Variants in TMEM67 observed in about 807,000 individuals in gnomAD.
The protein encoded by TMEM67 is meckelin.
In TMEM67, 124 loss-of-function variants were observed where a neutral mutation model predicts 136.6. The observed-to-expected ratio is 0.91, with a 90% CI of 0.78 to 1.05. The LOEUF is 1.05. Ranked by LOEUF, TMEM67 falls within the 50% of genes least tolerant of loss-of-function variation. TMEM67 has a pLI of 0.00. For synonymous variants in TMEM67, 364 were observed against 390.5 expected (o/e 0.93, Z 0.80); for missense variants, 1,107 against 1,178.4 (o/e 0.94, Z 0.89).
chr8:93,776,126 G>T (rs1055313570), intron 7 of TMEM67, among the ~76,000 whole-genome samples: 6 of 152,146 alleles, frequency 3.9e-5, no homozygotes, highest in Non-Finnish European at 5.9e-5. Context: ...TTGTGAATGG[G>T]AGTTCACTCA....
chr8:93,782,343 A>G, intron 10 of TMEM67, 52 bp from the exon 11 acceptor site: 2 of 1,426,586 alleles, frequency 1.4e-6, no homozygotes, highest in Non-Finnish European at 2.0e-6. Context: ...ACTCTTGAGT[A>G]TAAGAATAGA....
chr8:93,824,289 A>G, the TMEM67 span, among the ~76,000 whole-genome samples: 1 of 152,164 alleles, frequency 6.6e-6, no homozygotes, highest in African/African-American at 2.4e-5. Context: ...ATGGCTTTCC[A>G]TATATTCTTT....
downstream of TMEM67, among the ~76,000 whole-genome samples, chr8:93,821,376 G>A (rs75820893): frequency 0.014 from 2,167 of 152,232 alleles, 57 homozygotes; most frequent in African/African-American, 0.047. Flanking sequence ...CGACCTCCCA[G>A]GCTCAAACGA....
intron 6 of TMEM67, among the ~76,000 whole-genome samples, chr8:93,769,205 C>T (rs959555566): frequency 6.6e-6 from 1 of 152,162 alleles, no homozygotes; most frequent in East Asian, 1.9e-4. Flanking sequence ...GCAGCTCCCA[C>T]CACCTTGAAG....
chr8:93,784,742 A>G (rs984589099), intron 11 of TMEM67, among the ~76,000 whole-genome samples: 1 of 152,238 alleles, frequency 6.6e-6, no homozygotes. Context: ...TTTAGAAACT[A>G]CAAGTAGATT....
chr8:93,774,916 A>G (rs1477553285), intron 7 of TMEM67, among the ~76,000 whole-genome samples: 1 of 152,148 alleles, frequency 6.6e-6, no homozygotes, highest in Non-Finnish European at 1.5e-5. Context: ...CTAGTTCTAG[A>G]TCCTTGAGGA....
rs1436606444 is a variant in TMEM67 at position 93,799,725 on chromosome 8, T to C, written c.2208T>C (p.Ser736=). ...GCTGCATTTTGAGATATGCAGTGTC[T>C]GCTGCTCTTTGGCTAGCCATTGGAA... ...PYSCILRYAV[S]AALWLAIGII... Residue 736 remains serine (S), a synonymous_variant, in exon 21 of 28, where the codon TCT becomes TCC. Coordinates refer to ENST00000453321, the MANE Select transcript of TMEM67 (RefSeq NM_153704.6). 13 of 1,613,794 alleles carry C rather than the reference T, an allele frequency of 8.1e-6. No homozygotes were observed. The highest frequency in any genetic ancestry group is 1.0e-5 in the Non-Finnish European group (12 of 1,179,892).
At chr8:93,761,250 G>A (rs2130561497) in intron 3 of TMEM67, among the ~76,000 whole-genome samples, 2 of 152,286 alleles carry the variant, frequency 1.3e-5, no homozygotes, top group Admixed American at 1.3e-4. Flanking sequence ...AGTGAGCCAA[G>A]ATCACGCCAT....
intron 11 of TMEM67, 48 bp downstream of exon 11, chr8:93,782,508 TATC>T (rs777784458): frequency 6.9e-7 from 1 of 1,445,342 alleles, no homozygotes; most frequent in African/African-American, 1.4e-5. Context: ...TTTTTCAAAA[TATC>T]ATGTCAGCAG....
chr8:93,763,094 G>GT, intron 3 of TMEM67: 1 of 174,898 alleles, frequency 5.7e-6, no homozygotes, highest in Non-Finnish European at 1.1e-5. Flanking sequence ...AGCTAATTTT[G>GT]TATTTTTTTT....
intron 6 of TMEM67, among the ~76,000 whole-genome samples, chr8:93,768,278 A>T (rs1813169812): frequency 8.0e-6 from 1 of 124,718 alleles, no homozygotes; most frequent in Admixed American, 8.3e-5. Flanking sequence ...ACATACATAC[A>T]TACACACACA....
intron 6 of TMEM67, 47 bp downstream of exon 6, chr8:93,765,693 C>T (rs1450176785): frequency 1.7e-6 from 2 of 1,191,588 alleles, no homozygotes; most frequent in South Asian, 2.4e-5. Flanking sequence ...AAACTTTCTA[C>T]ATTTCATCCA....
chr8:93,807,684 GA>G (rs1021947666), intron 23 of TMEM67, among the ~76,000 whole-genome samples: 3 of 151,742 alleles, frequency 2.0e-5, no homozygotes, highest in East Asian at 1.9e-4. Context: ...TTTTAATCAA[GA>G]AAAAAATTTT....
At chr8:93,810,352 AG>A (rs1808654438) in intron 26 of TMEM67, among the ~76,000 whole-genome samples, 1 of 151,404 alleles carries the variant, frequency 6.6e-6, no homozygotes, top group South Asian at 2.1e-4. Flanking sequence ...AGGCCGAGGC[AG>A]GTGGATCACC....
chr8:93,831,871 C>T, the TMEM67 span, among the ~76,000 whole-genome samples: 7 of 152,212 alleles, frequency 4.6e-5, no homozygotes, highest in Non-Finnish European at 1.0e-4. Flanking sequence ...ACCTTTCCTT[C>T]ATTTTCCAAA....
chr8:93,788,343 T>C (rs1057493888), intron 14 of TMEM67, among the ~76,000 whole-genome samples: 2 of 152,262 alleles, frequency 1.3e-5, no homozygotes, highest in Non-Finnish European at 2.9e-5. Flanking sequence ...GGCGGGCAGA[T>C]CATGAAGCCA....
Position 93,804,976 on chromosome 8 carries a change from CT to C in TMEM67, c.2439+106del, listed in dbSNP as rs897648661. On this transcript the variant is annotated intron_variant, in intron 23 of 27. Transcript: ENST00000453321. ...AAAAAAAAACAGTCTTCATTGATAA[CT>C]TTTTTTTCTTTTTGAGATGGAGTCT... 1.1e-4 allele frequency: 83 copies of C among 778,576 alleles called. No individual in the cohort carries two copies. The Admixed American group carries it at 1.4e-3, about 13-fold the overall frequency. 48.2% of individuals were successfully genotyped at this position (778,576 alleles called of 1,614,324 possible). A position where few individuals can be genotyped will look rare whatever the true frequency, so the allele number is the denominator to read the frequency against.
At chr8:93,825,888 A>G in the TMEM67 span, among the ~76,000 whole-genome samples, 1 of 152,296 alleles carries the variant, frequency 6.6e-6, no homozygotes, top group East Asian at 1.9e-4. Context: ...ATTTGGGTGT[A>G]CACATACAGC....
chr8:93,794,225 AT>A (rs1434586141), intron 16 of TMEM67, among the ~76,000 whole-genome samples: 2 of 151,718 alleles, frequency 1.3e-5, no homozygotes, highest in African/African-American at 4.9e-5. Flanking sequence ...ATATCTGAAT[AT>A]TTTTTTTCAT....
Sources: allele counts gnomAD v4.1 joint callset (sites outside exome capture counted in the v4.1 genomes callset), GRCh38; gene constraint gnomAD v4.1.1; transcripts MANE v1.5; gene names NCBI Gene and HGNC (gene_info 2026-07-23, HGNC 2026-07-21).